Variants in NRG1 observed in about 807,000 individuals in gnomAD.
NRG1 encodes pro-neuregulin-1, membrane-bound isoform.
In NRG1, 18 loss-of-function variants were observed where a neutral mutation model predicts 63.8. The ratio of observed to expected loss-of-function variants is 0.28; its 90% CI spans 0.19 to 0.42. The LOEUF (loss-of-function observed/expected upper bound fraction) is 0.42. Among genes scored for constraint, NRG1 ranks in the 10% least tolerant of loss-of-function variants. The pLI is 1.00. For missense variants in NRG1, 762 were observed against 814.7 expected (o/e 0.94, Z 0.79); for synonymous variants, 302 against 301.3 (o/e 1.00, Z -0.02).
intron 1 of NRG1, among the ~76,000 whole-genome samples, chr8:32,201,016 G>A (rs996434804): frequency 1.3e-5 from 2 of 152,044 alleles, no homozygotes; most frequent in Admixed American, 1.3e-4. Flanking sequence ...CTGGGGAAAC[G>A]GCTTTCTTTG....
At chr8:32,728,713 A>C (rs1284797869) in intron 6 of NRG1, 1 of 914,074 alleles carries the variant, frequency 1.1e-6, no homozygotes, top group South Asian at 5.1e-5. Context: ...GTCTATAGAT[A>C]TATCTAGAAT....
chr8:32,416,148 T>A (rs998078924), intron 1 of NRG1, among the ~76,000 whole-genome samples: 3 of 152,330 alleles, frequency 2.0e-5, no homozygotes, highest in East Asian at 1.9e-4. Flanking sequence ...TTAAGCCTCA[T>A]GTTAGTTATC....
chr8:31,687,638 C>G (rs1809040469), intron 1 of NRG1, among the ~76,000 whole-genome samples: 1 of 152,174 alleles, frequency 6.6e-6, no homozygotes, highest in Non-Finnish European at 1.5e-5. Flanking sequence ...GAGGTAGACT[C>G]TGATACAGGG....
intron 1 of NRG1, among the ~76,000 whole-genome samples, chr8:31,751,083 G>T (rs920304952): frequency 6.6e-6 from 1 of 151,966 alleles, no homozygotes; most frequent in African/African-American, 2.4e-5. Flanking sequence ...ATAGATTAAG[G>T]CAGCAGTATT....
chr8:32,278,984 A>G (rs1852405410), intron 1 of NRG1, among the ~76,000 whole-genome samples: 1 of 152,188 alleles, frequency 6.6e-6, no homozygotes, highest in Non-Finnish European at 1.5e-5. Context: ...CTTGGATTTA[A>G]CCAGGTCTGA....
chr8:32,638,974 T>C (rs1449806056), intron 5 of NRG1, among the ~76,000 whole-genome samples: 1 of 152,078 alleles, frequency 6.6e-6, no homozygotes, highest in South Asian at 2.1e-4. Flanking sequence ...TACTTTTATT[T>C]CTTCTTTTTT....
intron 1 of NRG1, among the ~76,000 whole-genome samples, chr8:32,456,222 C>A (rs571974419): frequency 6.6e-6 from 1 of 152,274 alleles, no homozygotes; most frequent in Non-Finnish European, 1.5e-5. Flanking sequence ...AAAACAAATT[C>A]TTTAAGTGAG....
intron 1 of NRG1, among the ~76,000 whole-genome samples, chr8:31,856,774 T>C (rs1463395937): frequency 6.6e-6 from 1 of 152,138 alleles, no homozygotes; most frequent in African/African-American, 2.4e-5. Context: ...ATGATGGTGA[T>C]GTACAGATGG....
chr8:32,310,912 T>G (rs966192602), intron 1 of NRG1, among the ~76,000 whole-genome samples: 1 of 152,204 alleles, frequency 6.6e-6, no homozygotes, highest in Admixed American at 6.5e-5. Context: ...CTGTTCCCTC[T>G]ACCTGGAACA....
chr8:31,877,278 T>C (rs1358297736), intron 1 of NRG1, among the ~76,000 whole-genome samples: 7 of 152,170 alleles, frequency 4.6e-5, no homozygotes, highest in Non-Finnish European at 7.4e-5. Flanking sequence ...TATTGATTAA[T>C]TCTTTAGTGT....
intron 1 of NRG1, among the ~76,000 whole-genome samples, chr8:32,422,998 G>A (rs1412869271): frequency 6.6e-6 from 1 of 152,176 alleles, no homozygotes; most frequent in East Asian, 1.9e-4. Context: ...GAAGCCCTTT[G>A]GAGATGCCCC....
At chr8:31,662,208 G>T (rs1806060269) in intron 1 of NRG1, among the ~76,000 whole-genome samples, 1 of 152,172 alleles carries the variant, frequency 6.6e-6, no homozygotes, top group South Asian at 2.1e-4. Flanking sequence ...CATGGAGGAG[G>T]TTTCCAAATA....
At chr8:31,681,747 C>G (rs1219450466) in intron 1 of NRG1, among the ~76,000 whole-genome samples, 1 of 150,554 alleles carries the variant, frequency 6.6e-6, no homozygotes, top group Non-Finnish European at 1.5e-5. Flanking sequence ...CACACACACA[C>G]AGGAGATGAC....
At chr8:32,452,196 A>G (rs1387191235) in intron 1 of NRG1, among the ~76,000 whole-genome samples, 1 of 152,182 alleles carries the variant, frequency 6.6e-6, no homozygotes, top group Non-Finnish European at 1.5e-5. Flanking sequence ...CAATGATAAT[A>G]AGACAATGTT....
intron 1 of NRG1, among the ~76,000 whole-genome samples, chr8:31,888,135 A>G (rs1029245539): frequency 3.3e-5 from 5 of 151,862 alleles, no homozygotes; most frequent in Admixed American, 3.3e-4. Context: ...TGTGTTTATT[A>G]TATGTGTGTG....
intron 5 of NRG1, among the ~76,000 whole-genome samples, chr8:32,692,295 T>C (rs1811954772): frequency 6.6e-6 from 1 of 152,234 alleles, no homozygotes; most frequent in African/African-American, 2.4e-5. Flanking sequence ...GCCAGTTGCC[T>C]AATGGATCAT....
chr8:32,703,615 A>T (rs780572279), intron 5 of NRG1, among the ~76,000 whole-genome samples: 6 of 152,166 alleles, frequency 3.9e-5, no homozygotes, highest in Admixed American at 6.5e-5. Context: ...GATAGAACAC[A>T]TTGGACTAGA....
intron 1 of NRG1, among the ~76,000 whole-genome samples, chr8:32,462,172 G>T (rs116713984): frequency 1.6e-3 from 248 of 152,272 alleles, no homozygotes; most frequent in African/African-American, 5.8e-3. Context: ...CAAAGAGAAG[G>T]TTGGAGGTTT....
At chr8:31,679,217 A>G (rs1274783845) in intron 1 of NRG1, among the ~76,000 whole-genome samples, 1 of 151,748 alleles carries the variant, frequency 6.6e-6, no homozygotes. Flanking sequence ...TTGCTGCTAC[A>G]TTTGTTTTTA....
Sources: allele counts gnomAD v4.1 joint callset (sites outside exome capture counted in the v4.1 genomes callset), GRCh38; gene constraint gnomAD v4.1.1; transcripts MANE v1.5; gene names NCBI Gene and HGNC (gene_info 2026-07-23, HGNC 2026-07-21).